Variants in SLIT3 observed in about 807,000 individuals in gnomAD.
SLIT3 encodes the protein slit guidance ligand 3, also known as slit homolog 3 protein.
Under a neutral mutation model 184.0 loss-of-function variants are expected in SLIT3, and 68 were observed. The observed-to-expected ratio is 0.37, with a 90% CI of 0.30 to 0.45. The LOEUF is 0.45. Among genes scored for constraint, SLIT3 ranks in the 20% least tolerant of loss-of-function variants. The probability of loss-of-function intolerance (pLI) is 1.00; values close to 1 mark genes in which losing one functional copy is unlikely to be tolerated. For synonymous variants in SLIT3, 831 were observed against 828.6 expected, an observed-to-expected ratio of 1.00 and a Z score of -0.05; for missense variants, 1,707 against 2,026.0, an observed-to-expected ratio of 0.84 and a Z score of 3.02.
At chr5:168,728,730 G>A (rs952357483) in intron 20 of SLIT3, among the ~76,000 whole-genome samples, 6 of 151,926 alleles carry the variant, frequency 3.9e-5, no homozygotes, top group East Asian at 1.9e-4. Flanking sequence ...ACCAGCCTGC[G>A]CAACATAGTG....
intron 1 of SLIT3, among the ~76,000 whole-genome samples, chr5:169,255,827 G>A (rs1424884466): frequency 1.3e-5 from 2 of 152,150 alleles, no homozygotes; most frequent in Non-Finnish European, 2.9e-5. Context: ...AGCTTGCAGT[G>A]AGCCGAGATC....
At chr5:169,131,103 C>G (rs983112423) in intron 4 of SLIT3, among the ~76,000 whole-genome samples, 2 of 152,166 alleles carry the variant, frequency 1.3e-5, no homozygotes, top group Admixed American at 1.3e-4. Context: ...AATAACATAG[C>G]TATAGACAGG....
At chr5:168,687,544 G>C (rs75517231) in intron 29 of SLIT3, among the ~76,000 whole-genome samples, 2,210 of 152,254 alleles carry the variant, frequency 0.015, 37 homozygotes, top group African/African-American at 0.037. Flanking sequence ...AGCACTGCAG[G>C]CACTTCCCTG....
In SLIT3 at chr5:168,723,094, C is replaced by CCTG. The variant is rs1762995339; in HGVS notation, c.2340-91_2340-90insCAG. ...AAGTATCACACATACCTGCCATCCA[C>CCTG]CCACTCATCTACCCATCCACCCATC... On this transcript the variant is annotated intron_variant, in intron 21 of 35. Coordinates refer to ENST00000519560, the MANE Select transcript of SLIT3 (RefSeq NM_003062.4). 9 of 858,238 alleles carry CCTG rather than the reference C, an allele frequency of 1.0e-5. No individual in the cohort carries two copies. In the African/African-American group the frequency reaches 1.3e-4, roughly 13 times the overall value. The allele number at this position is 858,238 out of a possible 1,614,324, so 53.2% of individuals were successfully genotyped here.
At chr5:168,909,411 G>A (rs965517693) in intron 4 of SLIT3, among the ~76,000 whole-genome samples, 5 of 152,184 alleles carry the variant, frequency 3.3e-5, no homozygotes, top group African/African-American at 9.7e-5. Flanking sequence ...CCCCCATGGC[G>A]CAAAGCTTAG....
At chr5:169,045,543 G>A (rs899483637) in intron 4 of SLIT3, among the ~76,000 whole-genome samples, 2 of 152,130 alleles carry the variant, frequency 1.3e-5, no homozygotes, top group African/African-American at 4.8e-5. Context: ...CACACGGTAG[G>A]TATTCAATAG....
At chr5:169,173,587 T>C (rs1215384366) in intron 4 of SLIT3, among the ~76,000 whole-genome samples, 1 of 152,158 alleles carries the variant, frequency 6.6e-6, no homozygotes, top group Admixed American at 6.5e-5. Flanking sequence ...GCAAATGTTC[T>C]AATCTGGGCA....
intron 4 of SLIT3, among the ~76,000 whole-genome samples, chr5:168,920,056 T>G (rs1466034352): frequency 6.6e-6 from 1 of 152,200 alleles, no homozygotes; most frequent in Non-Finnish European, 1.5e-5. Flanking sequence ...TGAGTGTTTA[T>G]TTTTTTCTAG....
chr5:169,287,729 A>C (rs1767207149), intron 1 of SLIT3, among the ~76,000 whole-genome samples: 1 of 152,156 alleles, frequency 6.6e-6, no homozygotes, highest in Non-Finnish European at 1.5e-5. Flanking sequence ...ATGGAAAGGG[A>C]GGTGCCAGCT....
intron 4 of SLIT3, among the ~76,000 whole-genome samples, chr5:168,889,254 G>A (rs970021804): frequency 3.3e-5 from 5 of 152,328 alleles, no homozygotes; most frequent in African/African-American, 1.2e-4. Context: ...AAGATTGTAT[G>A]TTTGCAGTTG....
chr5:168,843,696 G>A (rs1177047366), intron 6 of SLIT3, among the ~76,000 whole-genome samples: 1 of 152,210 alleles, frequency 6.6e-6, no homozygotes, highest in Non-Finnish European at 1.5e-5. Flanking sequence ...AGGTTCTCCT[G>A]TGCTGTACTG....
intron 4 of SLIT3, among the ~76,000 whole-genome samples, chr5:169,086,880 A>G (rs1759323141): frequency 6.6e-6 from 1 of 152,212 alleles, no homozygotes; most frequent in Admixed American, 6.5e-5. Context: ...GGGACATCCA[A>G]AGGAGAAGTC....
At chr5:169,270,184 C>A (rs1403640707) in intron 1 of SLIT3, among the ~76,000 whole-genome samples, 5 of 152,194 alleles carry the variant, frequency 3.3e-5, no homozygotes, top group Non-Finnish European at 7.3e-5. Context: ...CCCAAGTCAT[C>A]CAGCACACCT....
At chr5:169,142,386 G>A (rs2113347447) in intron 4 of SLIT3, among the ~76,000 whole-genome samples, 1 of 152,310 alleles carries the variant, frequency 6.6e-6, no homozygotes, top group Admixed American at 6.5e-5. Flanking sequence ...GCCAAGCAGG[G>A]ACTTGGGCAG....
chr5:168,961,649 G>A (rs1763011698), intron 4 of SLIT3, among the ~76,000 whole-genome samples: 2 of 152,286 alleles, frequency 1.3e-5, no homozygotes, highest in South Asian at 4.1e-4. Flanking sequence ...TGTGCAGAGA[G>A]AATAGTATGT....
intron 20 of SLIT3, 142 bp from the exon 21 acceptor site, chr5:168,724,626 T>G: frequency 2.0e-6 from 1 of 507,296 alleles, no homozygotes; most frequent in East Asian, 3.0e-5. Context: ...TTCAAAGCAT[T>G]ACTATATTTG....
At chr5:169,200,130 G>A (rs1763866018) in intron 3 of SLIT3, among the ~76,000 whole-genome samples, 1 of 152,184 alleles carries the variant, frequency 6.6e-6, no homozygotes, top group South Asian at 2.1e-4. Context: ...AGGTGAGCAG[G>A]GCGAAGGGGT....
At chr5:169,161,265 T>C (rs995439746) in intron 4 of SLIT3, among the ~76,000 whole-genome samples, 4 of 152,342 alleles carry the variant, frequency 2.6e-5, no homozygotes, top group South Asian at 2.1e-4. Context: ...GCCCTGGCCA[T>C]AGCCATTTCC....
At chr5:169,021,500 G>A (rs1043367383) in intron 4 of SLIT3, among the ~76,000 whole-genome samples, 1 of 152,064 alleles carries the variant, frequency 6.6e-6, no homozygotes, top group African/African-American at 2.4e-5. Context: ...ACAGGCACCA[G>A]CCACCATGCC....
Sources: allele counts gnomAD v4.1 joint callset (sites outside exome capture counted in the v4.1 genomes callset), GRCh38; gene constraint gnomAD v4.1.1; transcripts MANE v1.5; gene names NCBI Gene and HGNC (gene_info 2026-07-23, HGNC 2026-07-21).